CCSER2: variants seen among roughly 807,000 people sequenced by gnomAD.
CCSER2 encodes the protein serine-rich coiled-coil domain-containing protein 2.
Under a neutral mutation model 92.3 loss-of-function variants are expected in CCSER2, and 46 were observed. The observed-to-expected ratio is 0.50, with a 90% CI of 0.39 to 0.64. The LOEUF (loss-of-function observed/expected upper bound fraction) is 0.64, where lower values mean the gene tolerates loss of function less well. Among genes scored for constraint, CCSER2 ranks in the 30% least tolerant of loss-of-function variants. The pLI is 0.00. For missense variants in CCSER2, 1,244 were observed against 1,238.9 expected (o/e 1.00, Z -0.06); for synonymous variants, 433 against 431.4 (o/e 1.00, Z -0.04).
chr10:84,400,028 T>A (rs1187761153), intron 3 of CCSER2, among the ~76,000 whole-genome samples: 1 of 152,182 alleles, frequency 6.6e-6, no homozygotes, highest in South Asian at 2.1e-4. Flanking sequence ...TGTCTATTTG[T>A]ATATCTTTAG....
chr10:84,499,197 G>A (rs184639908), intron 9 of CCSER2, among the ~76,000 whole-genome samples: 54 of 152,050 alleles, frequency 3.6e-4, no homozygotes, highest in Non-Finnish European at 6.3e-4. Flanking sequence ...ATGCAGTGGC[G>A]TCATCTCGGC....
intron 1 of CCSER2, among the ~76,000 whole-genome samples, chr10:84,347,515 A>ACCTC (rs1313953653): frequency 8.9e-5 from 9 of 101,656 alleles, no homozygotes; most frequent in Admixed American, 2.9e-4. Flanking sequence ...CTGACCCCCC[A>ACCTC]CCTCCCTCCC....
intron 8 of CCSER2, among the ~76,000 whole-genome samples, chr10:84,472,813 C>T (rs1378678747): frequency 6.6e-6 from 1 of 152,090 alleles, no homozygotes; most frequent in Non-Finnish European, 1.5e-5. Context: ...CTTCATAGCT[C>T]AAATTATATT....
At chr10:84,340,327 T>TTGC (rs1844105404) in intron 1 of CCSER2, among the ~76,000 whole-genome samples, 1 of 152,210 alleles carries the variant, frequency 6.6e-6, no homozygotes. Flanking sequence ...TCGTGACAGG[T>TTGC]TGCTCTCTTG....
chr10:84,419,364 A>AAAAATAAAATAAAAAT (rs1554844933), intron 4 of CCSER2, among the ~76,000 whole-genome samples: 5,992 of 149,894 alleles, frequency 0.04, 229 homozygotes, highest in African/African-American at 0.084. Flanking sequence ...TCAAAAAAAA[A>AAAAATAAAATAAAAAT]AAAATAAAAT....
chr10:84,470,339 A>C, intron 7 of CCSER2, 33 bp from the exon 8 acceptor site: 1 of 1,159,558 alleles, frequency 8.6e-7, no homozygotes, highest in Non-Finnish European at 1.2e-6. Flanking sequence ...TGGTATTTTA[A>C]ATACCTCATC....
intron 9 of CCSER2, among the ~76,000 whole-genome samples, chr10:84,493,994 G>A (rs1274309409): frequency 6.6e-6 from 1 of 152,154 alleles, no homozygotes. Flanking sequence ...TCTCGCATGT[G>A]CAGTTCACAA....
At chr10:84,501,844 T>TATATATATATATATATATATATACACTC (rs1848762963) in intron 9 of CCSER2, among the ~76,000 whole-genome samples, 1 of 94,850 alleles carries the variant, frequency 1.1e-5, no homozygotes, top group Non-Finnish European at 2.4e-5. Context: ...AATATATATA[T>TATATATATATATATATATATATACACTC]ATATATATAT....
chr10:84,349,321 C>A (rs989893395), intron 1 of CCSER2, among the ~76,000 whole-genome samples: 6 of 152,154 alleles, frequency 3.9e-5, no homozygotes, highest in Non-Finnish European at 8.8e-5. Flanking sequence ...TTAACTTTAT[C>A]CTTTGAGTTT....
intron 6 of CCSER2, among the ~76,000 whole-genome samples, chr10:84,448,816 A>G (rs1426866665): frequency 6.6e-6 from 1 of 152,190 alleles, no homozygotes; most frequent in East Asian, 1.9e-4. Context: ...TTTCATCAAA[A>G]TGGAACCATT....
At chr10:84,469,971 T>G (rs112121949) in intron 7 of CCSER2, among the ~76,000 whole-genome samples, 1 of 151,900 alleles carries the variant, frequency 6.6e-6, no homozygotes, top group African/African-American at 2.4e-5. Context: ...GCTACTCTTA[T>G]GTATCCCTTG....
intron 4 of CCSER2, among the ~76,000 whole-genome samples, chr10:84,421,808 C>T (rs1488974430): frequency 6.6e-6 from 1 of 151,940 alleles, no homozygotes; most frequent in Non-Finnish European, 1.5e-5. Context: ...AAATGAAGAC[C>T]CAAAGACCTA....
intron 3 of CCSER2, among the ~76,000 whole-genome samples, chr10:84,405,469 T>A (rs985672821): frequency 6.6e-6 from 1 of 152,060 alleles, no homozygotes; most frequent in African/African-American, 2.4e-5. Flanking sequence ...TTACATTAAA[T>A]TAAAAACCTT....
chr10:84,446,168 T>C (rs1023030906), intron 6 of CCSER2, among the ~76,000 whole-genome samples: 13 of 152,210 alleles, frequency 8.5e-5, no homozygotes, highest in Non-Finnish European at 1.9e-4. Context: ...GATGGAGTAA[T>C]GGAAAGGCAT....
chr10:84,415,646 A>C (rs1439906884), intron 3 of CCSER2, among the ~76,000 whole-genome samples: 2 of 152,190 alleles, frequency 1.3e-5, no homozygotes, highest in Non-Finnish European at 2.9e-5. Context: ...AGGATCAGGG[A>C]CCTACTTAAA....
intron 9 of CCSER2, among the ~76,000 whole-genome samples, chr10:84,507,624 T>C (rs1245895832): frequency 6.6e-6 from 1 of 152,214 alleles, no homozygotes; most frequent in Non-Finnish European, 1.5e-5. Flanking sequence ...ATATTTTTAC[T>C]CCATCAGGAC....
chr10:84,374,929 A>G (rs1846248204), intron 3 of CCSER2, among the ~76,000 whole-genome samples: 1 of 152,122 alleles, frequency 6.6e-6, no homozygotes, highest in Admixed American at 6.6e-5. Context: ...AATTGCACAA[A>G]CATTTTTTTT....
chr10:84,438,405 AATG>A, intron 5 of CCSER2, 104 bp from the exon 6 acceptor site: 1 of 666,892 alleles, frequency 1.5e-6, no homozygotes, highest in Non-Finnish European at 2.5e-6. Flanking sequence ...CCATGGTGAT[AATG>A]ATAAGTGATT....
chr10:84,518,109 C>T lies in CCSER2; in HGVS notation c.*3842C>T, dbSNP rs1189340312. The T allele has an allele frequency of 6.6e-6, 1 of 152,226 alleles. No individual in the cohort carries two copies. Among genetic ancestry groups the T allele is most frequent in the South Asian group, 2.1e-4 (1 of 4,830 alleles). 9.4% of individuals were successfully genotyped at this position (152,226 alleles called of 1,614,324 possible). ...CCTTGTTCCTTTTTAAATTCTGATG[C>T]TTGAATTCTATTTTCTAGTGATTTT... On this transcript the variant is annotated 3_prime_UTR_variant, in exon 10 of 10. Coordinates refer to ENST00000372088, the MANE Select transcript of CCSER2 (RefSeq NM_001284240.2).
Sources: gnomAD v4.1 joint callset for allele counts (sites outside exome capture counted in the v4.1 genomes callset) on GRCh38, gnomAD v4.1.1 for gene constraint, MANE v1.5 for transcripts, NCBI Gene and HGNC (gene_info 2026-07-23, HGNC 2026-07-21) for gene names.